TDRD3: variants seen among roughly 807,000 people sequenced by gnomAD.
TDRD3 encodes tudor domain-containing protein 3.
TDRD3 carries 45 observed loss-of-function variants against 86.7 expected under a neutral mutation model. That is an observed-to-expected ratio of 0.52 (90% CI 0.41 to 0.67). The LOEUF is 0.67. Among genes scored for constraint, TDRD3 ranks in the 30% least tolerant of loss-of-function variants. The pLI is 0.00. For missense variants in TDRD3, 814 were observed against 889.0 expected (o/e 0.92, Z 1.07); for synonymous variants, 298 against 301.7 (o/e 0.99, Z 0.13).
chr13:60,523,097 A>G (rs1353502276), intron 10 of TDRD3, among the ~76,000 whole-genome samples: 1 of 152,192 alleles, frequency 6.6e-6, no homozygotes, highest in African/African-American at 2.4e-5. Context: ...GACCTTTAAC[A>G]TAGAGTCAGG....
chr13:60,503,193 T>C (rs1011203204), intron 8 of TDRD3, among the ~76,000 whole-genome samples: 19 of 152,238 alleles, frequency 1.2e-4, no homozygotes, highest in Non-Finnish European at 2.5e-4. Flanking sequence ...ACATTTCAGT[T>C]CTTCATGAGT....
intron 12 of TDRD3, among the ~76,000 whole-genome samples, chr13:60,559,344 A>G (rs535378678): frequency 6.6e-6 from 1 of 152,286 alleles, no homozygotes; most frequent in South Asian, 2.1e-4. Context: ...GTGCTGTGAT[A>G]TAGTATCTCT....
chr13:60,406,580 G>T (rs1011459641), intron 1 of TDRD3, among the ~76,000 whole-genome samples: 2 of 152,206 alleles, frequency 1.3e-5, no homozygotes, highest in Non-Finnish European at 2.9e-5. Flanking sequence ...CAAGTACTGA[G>T]AAATTTTAGC....
chr13:60,573,394 G>T (rs1958631392), intron 13 of TDRD3, among the ~76,000 whole-genome samples: 1 of 151,864 alleles, frequency 6.6e-6, no homozygotes, highest in African/African-American at 2.4e-5. Flanking sequence ...CTTTAACAAA[G>T]TCTAAAAAAA....
intron 12 of TDRD3, among the ~76,000 whole-genome samples, chr13:60,539,576 A>G (rs2137837268): frequency 6.6e-6 from 1 of 151,832 alleles, no homozygotes; most frequent in South Asian, 2.1e-4. Context: ...TTCTTTTTTT[A>G]TGATAATTAT....
In TDRD3 at chr13:60,528,770, G is replaced by T; in HGVS notation, c.1545G>T (p.Glu515Asp). ...CAGGAAAAGGTCCCTCCTTTGCAGA[G>T]GCAAAAGAAAATCCACTTCCTCAAG... ...SRSGKGPSFA[E>D]AKENPLPQGS... The change falls in exon 11 of 14, where the codon GAG becomes GAT. Residue 515 changes from glutamate to aspartate, a missense_variant. By Grantham distance (45) the Glu-to-Asp change is conservative. Coordinates refer to ENST00000377881, the MANE Select transcript of TDRD3 (RefSeq NM_001146070.2). 6.2e-7 allele frequency: 1 copy of T among 1,613,450 alleles called. No homozygotes were observed. The highest frequency in any genetic ancestry group is 1.3e-5 in the African/African-American group (1 of 74,964).
intron 3 of TDRD3, among the ~76,000 whole-genome samples, chr13:60,450,728 G>C (rs1326163313): frequency 6.6e-6 from 1 of 152,240 alleles, no homozygotes; most frequent in African/African-American, 2.4e-5. Context: ...GGAGCACATA[G>C]CCTAATGAGA....
At chr13:60,480,276 T>C (rs1305954624) in intron 5 of TDRD3, among the ~76,000 whole-genome samples, 1 of 152,188 alleles carries the variant, frequency 6.6e-6, no homozygotes, top group Non-Finnish European at 1.5e-5. Flanking sequence ...GGATATGAAA[T>C]TCTTGGTTGG....
chr13:60,408,253 C>T (rs1380161307), intron 1 of TDRD3, among the ~76,000 whole-genome samples: 1 of 152,194 alleles, frequency 6.6e-6, no homozygotes, highest in Non-Finnish European at 1.5e-5. Context: ...TCCAATTAAA[C>T]CTCTTTTTCT....
intron 4 of TDRD3, among the ~76,000 whole-genome samples, chr13:60,466,540 C>T (rs902837473): frequency 2.6e-5 from 4 of 151,916 alleles, no homozygotes; most frequent in African/African-American, 7.3e-5. Context: ...ATAATCCTAG[C>T]ACTTTAGGAG....
intron 1 of TDRD3, among the ~76,000 whole-genome samples, chr13:60,437,219 C>T (rs144984414): frequency 1.1e-3 from 169 of 149,838 alleles, no homozygotes; most frequent in African/African-American, 4.7e-4. Context: ...CTCTGCCTCC[C>T]GGGTTCAAGC....
chr13:60,503,634 G>A (rs1956878927), intron 8 of TDRD3, among the ~76,000 whole-genome samples: 1 of 152,294 alleles, frequency 6.6e-6, no homozygotes, highest in African/African-American at 2.4e-5. Context: ...AGAAAGCAAG[G>A]TATCCGGAAA....
chr13:60,465,343 G>C (rs915392358), intron 4 of TDRD3, among the ~76,000 whole-genome samples: 1 of 152,128 alleles, frequency 6.6e-6, no homozygotes, highest in Non-Finnish European at 1.5e-5. Context: ...TGATTGTCTG[G>C]AATTGGGAAC....
chr13:60,564,631 C>T (rs1958408416), intron 12 of TDRD3, among the ~76,000 whole-genome samples: 1 of 152,150 alleles, frequency 6.6e-6, no homozygotes, highest in Non-Finnish European at 1.5e-5. Context: ...TCTGTCGAAT[C>T]TAGAAGGATG....
intron 4 of TDRD3, among the ~76,000 whole-genome samples, chr13:60,463,362 CAA>C (rs57195209): frequency 3.7e-5 from 3 of 81,530 alleles, no homozygotes; most frequent in African/African-American, 5.8e-5. Context: ...AATTCTGGCT[CAA>C]AAAAAAAAAA....
intron 10 of TDRD3, among the ~76,000 whole-genome samples, chr13:60,514,733 A>G (rs945413590): frequency 2.0e-5 from 3 of 152,196 alleles, no homozygotes; most frequent in African/African-American, 7.2e-5. Context: ...CCAGATCACA[A>G]GGATTTTGTC....
chr13:60,421,177 G>A (rs1010401376), intron 1 of TDRD3, among the ~76,000 whole-genome samples: 11 of 150,160 alleles, frequency 7.3e-5, no homozygotes, highest in Middle Eastern at 3.5e-3. Flanking sequence ...AGAAATACCC[G>A]AGACTGGGTA....
At chr13:60,516,215 C>T (rs1006031636) in intron 10 of TDRD3, among the ~76,000 whole-genome samples, 1 of 152,094 alleles carries the variant, frequency 6.6e-6, no homozygotes, top group Non-Finnish European at 1.5e-5. Flanking sequence ...GTTTTAGTAC[C>T]TCTAGAAGTC....
chr13:60,544,188 C>T (rs1345463705), intron 12 of TDRD3, among the ~76,000 whole-genome samples: 1 of 151,492 alleles, frequency 6.6e-6, no homozygotes, highest in African/African-American at 2.4e-5. Context: ...GTGGCTCATG[C>T]CTATAATCCC....
Sources: allele counts gnomAD v4.1 joint callset (sites outside exome capture counted in the v4.1 genomes callset), GRCh38; gene constraint gnomAD v4.1.1; transcripts MANE v1.5; gene names NCBI Gene and HGNC (gene_info 2026-07-23, HGNC 2026-07-21).